Variants in PTPRN2 observed in about 807,000 individuals in gnomAD.
PTPRN2 encodes protein tyrosine phosphatase receptor type N2.
PTPRN2 carries 74 observed loss-of-function variants against 118.8 expected under a neutral mutation model. The observed-to-expected ratio is 0.62, with a 90% CI of 0.52 to 0.76. PTPRN2 has a LOEUF of 0.76. Among genes scored for constraint, PTPRN2 ranks in the 30% least tolerant of loss-of-function variants. PTPRN2 has a pLI of 0.00. For missense variants in PTPRN2, 1,481 were observed against 1,394.4 expected, an observed-to-expected ratio of 1.06 and a Z score of -0.99; for synonymous variants, 641 against 608.0, an observed-to-expected ratio of 1.05 and a Z score of -0.80.
rs1800486380 is a variant in PTPRN2, at chr7:157,583,174, A to G, written c.2497-5034T>C. ...ATGAACTCCTGTCATTTTTGACAAC[A>G]TGGATGAACCTGGAGGACACGACGT... is the stretch of plus-strand genomic sequence containing the variant. On this transcript the variant is annotated intron_variant, in intron 17 of 22. Transcript: ENST00000389418. The surrounding 1 kb of genome is among the most constrained non-coding windows in gnomAD (Gnocchi z 5.5). Among the ~76,000 whole-genome samples, 1 of 152,156 alleles carries G rather than the reference A, an allele frequency of 6.6e-6. No individual in the cohort carries two copies. Among genetic ancestry groups the G allele is most frequent in the African/African-American group, 2.4e-5 (1 of 41,450 alleles).
intron 2 of PTPRN2, among the ~76,000 whole-genome samples, chr7:158,398,432 C>T (rs1279275439): frequency 1.3e-5 from 2 of 152,210 alleles, no homozygotes; most frequent in Non-Finnish European, 2.9e-5. Context: ...CCAGGTGGGG[C>T]TCGGTGAGTG....
intron 1 of PTPRN2, among the ~76,000 whole-genome samples, chr7:158,523,676 AGCGGAGTCGTCTG>A: frequency 7.0e-6 from 1 of 141,946 alleles, no homozygotes; most frequent in Non-Finnish European, 1.5e-5. Flanking sequence ...TCTGCCCTGG[AGCGGAGTCGTCTG>A]CCCTGGAGTG....
chr7:158,310,124 AAC>A (rs1430466565), intron 3 of PTPRN2, among the ~76,000 whole-genome samples: 1 of 152,194 alleles, frequency 6.6e-6, no homozygotes. Flanking sequence ...CAGCAACTCG[AAC>A]AAGAGAAAAA....
chr7:158,331,591 A>T (rs1804461328), intron 2 of PTPRN2, among the ~76,000 whole-genome samples: 2 of 140,928 alleles, frequency 1.4e-5, no homozygotes, highest in East Asian at 4.2e-4. Flanking sequence ...TCACCATAAG[A>T]GCTGAGGACC....
At chr7:158,248,605 CACAT>C (rs1398485467) in intron 3 of PTPRN2, among the ~76,000 whole-genome samples, 1 of 150,680 alleles carries the variant, frequency 6.6e-6, no homozygotes, top group Non-Finnish European at 1.5e-5. Flanking sequence ...GGACCCACAT[CACAT>C]ACATGCACAT....
At chr7:158,333,568 A>T (rs1804939080) in intron 2 of PTPRN2, among the ~76,000 whole-genome samples, 1 of 150,946 alleles carries the variant, frequency 6.6e-6, no homozygotes, top group African/African-American at 2.5e-5. Context: ...TCTCACCATA[A>T]GAGCTGATGC....
chr7:158,203,804 G>C (rs1826869538), intron 4 of PTPRN2, among the ~76,000 whole-genome samples: 1 of 152,190 alleles, frequency 6.6e-6, no homozygotes, highest in South Asian at 2.1e-4. Flanking sequence ...CACAGCTCAA[G>C]TTGAAAACAT....
At chr7:157,678,078 TTCTCTAATCA>T (rs979872584) in intron 13 of PTPRN2, among the ~76,000 whole-genome samples, 2 of 152,248 alleles carry the variant, frequency 1.3e-5, no homozygotes, top group African/African-American at 4.8e-5. Context: ...CAATAAAATG[TTCTCTAATCA>T]TAATTATTTC....
intron 21 of PTPRN2, among the ~76,000 whole-genome samples, chr7:157,567,822 C>A (rs1367245973): frequency 6.6e-6 from 1 of 152,116 alleles, no homozygotes; most frequent in Non-Finnish European, 1.5e-5. Context: ...ACGGGTATCG[C>A]AAGGCTAATG....
intron 15 of PTPRN2, 47 bp from the exon 16 acceptor site, chr7:157,604,122 C>A: frequency 1.9e-6 from 3 of 1,575,542 alleles, no homozygotes; most frequent in Non-Finnish European, 2.6e-6. Context: ...GCCCACCCAG[C>A]AGTGTGAGAC....
At chr7:157,746,887 A>T (rs1800981190) in intron 12 of PTPRN2, among the ~76,000 whole-genome samples, 1 of 151,602 alleles carries the variant, frequency 6.6e-6, no homozygotes, top group Non-Finnish European at 1.5e-5. Context: ...TGTGTCCCTG[A>T]GCTGTGGGCT....
chr7:158,329,380 G>A (rs983762547), intron 2 of PTPRN2, among the ~76,000 whole-genome samples: 1 of 152,226 alleles, frequency 6.6e-6, no homozygotes, highest in Non-Finnish European at 1.5e-5. Context: ...CCAAGCCCAT[G>A]AGGCTCCTCC....
intron 12 of PTPRN2, among the ~76,000 whole-genome samples, chr7:157,858,184 GCCACCACCCACA>G (rs1809915051): frequency 3.4e-5 from 1 of 29,520 alleles, no homozygotes; most frequent in Non-Finnish European, 6.1e-5. Context: ...GAGCCTCCCA[GCCACCACCCACA>G]CTCCTGCAGG....
intron 12 of PTPRN2, among the ~76,000 whole-genome samples, chr7:157,731,772 T>C (rs76239300): frequency 0.085 from 720 of 8,494 alleles, 28 homozygotes; most frequent in Admixed American, 0.15. Flanking sequence ...GCACAGTTAC[T>C]CTTTTCCACC....
At chr7:158,155,813 A>G (rs1207855564) in intron 6 of PTPRN2, among the ~76,000 whole-genome samples, 2 of 152,164 alleles carry the variant, frequency 1.3e-5, no homozygotes, top group South Asian at 4.2e-4. Flanking sequence ...CATCACCACC[A>G]TCATCACCAT....
At chr7:158,089,410 T>TG (rs1341789546) in intron 10 of PTPRN2, among the ~76,000 whole-genome samples, 6 of 39,338 alleles carry the variant, frequency 1.5e-4, no homozygotes, top group Admixed American at 2.8e-4. Flanking sequence ...CACACAAACC[T>TG]TCCTCCCCTG....
At chr7:158,331,968 C>T (rs1410034498) in intron 2 of PTPRN2, among the ~76,000 whole-genome samples, 2 of 151,236 alleles carry the variant, frequency 1.3e-5, no homozygotes, top group African/African-American at 2.5e-5. Context: ...GAGCTGACAA[C>T]TGAAGACGTC....
rs143506590 is a variant in PTPRN2 at position 158,192,352 on chromosome 7, G to A, written c.524C>T (p.Thr175Met). 2.8e-4 allele frequency: 417 copies of A among 1,513,738 alleles called. No homozygotes were observed. The highest frequency in any genetic ancestry group is 3.3e-4 in the Non-Finnish European group (382 of 1,143,396). The allele number at this position is 1,513,738 out of a possible 1,614,324, so 93.8% of individuals were successfully genotyped here. A position where few individuals can be genotyped will look rare whatever the true frequency, so the allele number is the denominator to read the frequency against. Reference protein sequence around the residue: ...PASDVLARTHTAQDRPPAEGD... With the variant: ...PASDVLARTHMAQDRPPAEGD... Reference sequence around the variant, plus strand: ...CTCAGCGGGGGGTCTGTCCTGCGCCGTATGGGTCCTGGCGAGCACGTCTGA... The same window carrying A: ...CTCAGCGGGGGGTCTGTCCTGCGCCATATGGGTCCTGGCGAGCACGTCTGA... The change falls in exon 5 of 23, where the codon ACG becomes ATG. Residue 175 changes from threonine (T) to methionine (M), a missense_variant. Coordinates refer to ENST00000389418, the MANE Select transcript of PTPRN2 (RefSeq NM_002847.5).
At chr7:157,634,349 T>C (rs1489780913) in intron 14 of PTPRN2, among the ~76,000 whole-genome samples, 2 of 152,258 alleles carry the variant, frequency 1.3e-5, no homozygotes, top group African/African-American at 4.8e-5. Flanking sequence ...TTCATGCTTT[T>C]GTTACATGGG....
Sources: gnomAD v4.1 joint callset for allele counts (sites outside exome capture counted in the v4.1 genomes callset) on GRCh38, gnomAD v4.1.1 for gene constraint, Gnocchi (gnomAD v3.1) non-coding constraint, MANE v1.5 for transcripts, NCBI Gene and HGNC (gene_info 2026-07-23, HGNC 2026-07-21) for gene names.